The following PCSK5 variants were observed in gnomAD, a reference collection of about 807,000 sequenced individuals.
PCSK5 encodes prohormone convertase 5.
A neutral mutation model predicts 233.2 loss-of-function variants in PCSK5; 129 were observed. The observed-to-expected ratio is 0.55, with a 90% confidence interval of 0.48 to 0.64. The LOEUF (loss-of-function observed/expected upper bound fraction) is 0.64, where lower values mean the gene tolerates loss of function less well. Among genes scored for constraint, PCSK5 ranks in the 30% least tolerant of loss-of-function variants. PCSK5 has a pLI of 0.00. For missense variants in PCSK5, 2,076 were observed against 2,430.1 expected, an observed-to-expected ratio of 0.85 and a Z score of 3.06; for synonymous variants, 825 against 879.2, an observed-to-expected ratio of 0.94 and a Z score of 1.09.
At chr9:76,158,651 A>T (rs967965400) in intron 11 of PCSK5, among the ~76,000 whole-genome samples, 1 of 152,136 alleles carries the variant, frequency 6.6e-6, no homozygotes, top group Non-Finnish European at 1.5e-5. Context: ...TAGAAATGCA[A>T]ATTCTTGAGA....
chr9:76,237,884 T>C (rs1826299840), intron 22 of PCSK5, among the ~76,000 whole-genome samples: 1 of 152,196 alleles, frequency 6.6e-6, no homozygotes, highest in Admixed American at 6.5e-5. Flanking sequence ...ATATCGGCAA[T>C]TTCACGTGGG....
At chr9:76,072,461 G>C (rs1686423763) in intron 7 of PCSK5, among the ~76,000 whole-genome samples, 1 of 152,140 alleles carries the variant, frequency 6.6e-6, no homozygotes, top group African/African-American at 2.4e-5. Flanking sequence ...GTAATAAAAT[G>C]TCTATTTCAA....
chr9:76,292,254 C>A lies in PCSK5; in HGVS notation c.3164C>A (p.Ser1055Tyr). 2 of 1,579,656 alleles carry A rather than the reference C, an allele frequency of 1.3e-6. No homozygotes were observed. The highest frequency in any genetic ancestry group is 1.7e-6 in the Non-Finnish European group (2 of 1,150,652). ...CCAGATGATCCAGGAACATGTACATCTTGCGCTATGGGGTATTACAGGTAA... is the reference window on the plus strand; with the variant it reads ...CCAGATGATCCAGGAACATGTACATATTGCGCTATGGGGTATTACAGGTAA... ...CSLDDPGTCT[S>Y]CAMGYYRFDH... Residue 1055 changes from serine to tyrosine, a missense_variant, in exon 25 of 38, where the codon TCT (serine) becomes TAT (tyrosine). By Grantham distance (144) the Ser-to-Tyr change is moderately radical (BLOSUM62 -2). Around this residue, in one of 6 missense-constraint regions of PCSK5, gnomAD observed 1,510 missense variants for 1,538.1 expected, o/e 0.98. Transcript: ENST00000674117.
intron 1 of PCSK5, among the ~76,000 whole-genome samples, chr9:75,892,633 C>T (rs1239712822): frequency 6.6e-6 from 1 of 152,200 alleles, no homozygotes; most frequent in East Asian, 1.9e-4. Context: ...GTTTCTGAGG[C>T]CATTGCGTTC....
chr9:76,205,162 A>G, intron 20 of PCSK5: 1 of 519,016 alleles, frequency 1.9e-6, no homozygotes, highest in Non-Finnish European at 3.8e-6. Flanking sequence ...ACCAAAATAT[A>G]TAAACCTCAG....
chr9:75,932,313 A>G, intron 1 of PCSK5, 66 bp from the exon 2 acceptor site: 1 of 970,262 alleles, frequency 1.0e-6, no homozygotes, highest in Non-Finnish European at 1.6e-6. Flanking sequence ...AAACAGGAAA[A>G]CAGAAGACGG....
chr9:76,273,817 C>CA (rs1827607846), intron 24 of PCSK5, among the ~76,000 whole-genome samples: 1 of 140,036 alleles, frequency 7.1e-6, no homozygotes, highest in Non-Finnish European at 1.6e-5. Context: ...TTTTTTTTTT[C>CA]TTTTTTTTTT....
chr9:76,020,666 C>T (rs944145581), intron 3 of PCSK5, among the ~76,000 whole-genome samples: 1 of 152,192 alleles, frequency 6.6e-6, no homozygotes, highest in African/African-American at 2.4e-5. Context: ...AAGTCAGATT[C>T]AACAGAAGCA....
chr9:75,969,509 CAAA>C, intron 2 of PCSK5, among the ~76,000 whole-genome samples: 1 of 152,120 alleles, frequency 6.6e-6, no homozygotes, highest in Non-Finnish European at 1.5e-5. Flanking sequence ...GAAATTGAAA[CAAA>C]GAAGTAAAGG....
chr9:76,090,765 A>G (rs1029036), intron 7 of PCSK5, among the ~76,000 whole-genome samples: 32,153 of 152,094 alleles, frequency 0.21, 3,874 homozygotes, highest in East Asian at 0.4. Context: ...CATTACATTC[A>G]TTACGCACAT....
chr9:76,008,685 C>A (rs919571592), intron 3 of PCSK5, among the ~76,000 whole-genome samples: 5 of 152,152 alleles, frequency 3.3e-5, no homozygotes, highest in Non-Finnish European at 7.3e-5. Context: ...TGGTCTCGAT[C>A]TCCTGACCTC....
intron 24 of PCSK5, among the ~76,000 whole-genome samples, chr9:76,279,685 A>G (rs546145145): frequency 1.6e-3 from 234 of 150,624 alleles, no homozygotes; most frequent in Middle Eastern, 3.4e-3. Context: ...ATTTTTTCAC[A>G]TGTTTTTTGG....
chr9:76,006,100 G>A (rs1206761548), intron 3 of PCSK5, among the ~76,000 whole-genome samples: 4 of 151,704 alleles, frequency 2.6e-5, no homozygotes, highest in African/African-American at 4.8e-5. Context: ...TTTGATGGGT[G>A]AGAAATGGCA....
chr9:76,295,145 C>A, intron 25 of PCSK5, 130 bp from the exon 26 acceptor site: 1 of 788,500 alleles, frequency 1.3e-6, no homozygotes, highest in Non-Finnish European at 2.0e-6. Flanking sequence ...AAGAGCAAAA[C>A]TCCATCTCAA....
Position 76,358,803 on chromosome 9 carries a change from G to A in PCSK5, c.5545G>A (p.Asp1849Asn), listed in dbSNP as rs1830370175. Residue 1849 changes from aspartate (D) to asparagine (N), a missense_variant, in exon 38 of 38, where the codon GAC (aspartate) becomes AAC (asparagine). By Grantham distance (23) the Asp-to-Asn change is conservative. Coordinates refer to ENST00000674117, the MANE Select transcript of PCSK5 (RefSeq NM_001372043.1). ...GGACTATGATGAGGATGATGATGAT[G>A]ACATCGTCTACATGGGCCAGGATGG... ...DRDYDEDDDD[D>N]IVYMGQDGTV... is the part of the protein sequence containing the mutation. The A allele has an allele frequency of 3.1e-6, 5 of 1,612,832 alleles. No homozygotes were observed.
chr9:76,321,644 C>G lies in PCSK5; in HGVS notation c.4102+5C>G. On this transcript the variant is annotated splice_donor_5th_base_variant and intron_variant, in intron 31 of 37. Coordinates refer to ENST00000674117, the MANE Select transcript of PCSK5 (RefSeq NM_001372043.1). The stretch of plus-strand genomic sequence containing the variant: ...TCCATGAGAAAACATGCAAAGGTAC[C>G]TAGGAGCTTCCCACAGGAGAGCAAG... The G allele has an allele frequency of 6.3e-7, 1 of 1,595,634 alleles. No individual in the cohort carries two copies. Among genetic ancestry groups the G allele is most frequent in the Non-Finnish European group, 8.6e-7 (1 of 1,165,366 alleles).
At chr9:76,034,427 C>T (rs946853572) in intron 5 of PCSK5, among the ~76,000 whole-genome samples, 1 of 152,180 alleles carries the variant, frequency 6.6e-6, no homozygotes, top group African/African-American at 2.4e-5. Context: ...ACTATCTTGA[C>T]ATATGTTAAA....
intron 7 of PCSK5, among the ~76,000 whole-genome samples, chr9:76,090,211 A>G (rs1831229772): frequency 6.6e-6 from 1 of 151,892 alleles, no homozygotes; most frequent in African/African-American, 2.4e-5. Flanking sequence ...TCTTCATAGT[A>G]CTCCATGCAC....
chr9:76,140,940 G>A (rs1482790615), intron 10 of PCSK5, among the ~76,000 whole-genome samples: 1 of 152,038 alleles, frequency 6.6e-6, no homozygotes, highest in African/African-American at 2.4e-5. Context: ...TCTCTTTTGT[G>A]TAATCACCTG....
Sources: allele counts gnomAD v4.1 joint callset (sites outside exome capture counted in the v4.1 genomes callset), GRCh38; gene constraint gnomAD v4.1.1; regional missense constraint gnomAD v4.1.1; transcripts MANE v1.5; gene names NCBI Gene and HGNC (gene_info 2026-07-23, HGNC 2026-07-21).